Variants in SPOCK1 observed in about 807,000 individuals in gnomAD.
SPOCK1 encodes SPARC (osteonectin), cwcv and kazal like domains proteoglycan 1.
SPOCK1 carries 23 observed loss-of-function variants against 55.3 expected under a neutral mutation model. The ratio of observed to expected loss-of-function variants is 0.42; its 90% confidence interval spans 0.30 to 0.59. SPOCK1 has a LOEUF of 0.59. SPOCK1 is among the 20% of genes least tolerant of loss of function. SPOCK1 has a pLI of 0.22. For missense variants in SPOCK1, 499 were observed against 552.5 expected (o/e 0.90, Z 0.97); for synonymous variants, 226 against 221.0 (o/e 1.02, Z -0.20).
At chr5:137,266,762 A>G (rs997724593) in intron 3 of SPOCK1, among the ~76,000 whole-genome samples, 12 of 152,324 alleles carry the variant, frequency 7.9e-5, no homozygotes, top group African/African-American at 2.6e-4. Context: ...TTTTAAAACA[A>G]AACGAATCAA....
rs148222892 is a variant in SPOCK1, at chr5:137,431,938, T to C, written c.186+66435A>G. Among the ~76,000 whole-genome samples the C allele has an allele frequency of 2.9e-4, 44 of 152,346 alleles. 1 individual carries two copies. In the East Asian group the frequency reaches 8.5e-3, roughly 29 times the overall value. On this transcript the variant is annotated intron_variant, in intron 2 of 10. Transcript: ENST00000394945. ...ACTAAGACAGTGCATGTAAAGAGTTTTTGTGCAATGTCTAGATAAATAACT... is the reference window on the plus strand; with the variant it reads ...ACTAAGACAGTGCATGTAAAGAGTTCTTGTGCAATGTCTAGATAAATAACT...
intron 2 of SPOCK1, among the ~76,000 whole-genome samples, chr5:137,302,579 AAAATAAATAAATAAATAAAT>A (rs56375242): frequency 3.0e-4 from 43 of 141,208 alleles, no homozygotes; most frequent in African/African-American, 9.4e-4. Flanking sequence ...TCCATCTCAA[AAAATAAATAAATAAATAAAT>A]AAATAAATAA....
At chr5:137,107,466 A>G (rs1298405436) in intron 5 of SPOCK1, among the ~76,000 whole-genome samples, 1 of 152,130 alleles carries the variant, frequency 6.6e-6, no homozygotes, top group Non-Finnish European at 1.5e-5. Flanking sequence ...CCATTTGTCA[A>G]TTCCCTGTAG....
chr5:137,245,440 T>C (rs187366876), intron 3 of SPOCK1, among the ~76,000 whole-genome samples: 22 of 152,344 alleles, frequency 1.4e-4, no homozygotes, highest in African/African-American at 5.3e-4. Context: ...ATGATTATTA[T>C]GCCAATTGTT....
At chr5:137,044,650 T>TA (rs1245151596) in intron 6 of SPOCK1, among the ~76,000 whole-genome samples, 2 of 151,998 alleles carry the variant, frequency 1.3e-5, no homozygotes, top group Non-Finnish European at 2.9e-5. Flanking sequence ...TTCTTTTTTT[T>TA]TTATTATTAT....
chr5:137,352,244 T>G (rs2127161438), intron 2 of SPOCK1, among the ~76,000 whole-genome samples: 1 of 152,338 alleles, frequency 6.6e-6, no homozygotes, highest in East Asian at 1.9e-4. Flanking sequence ...ACCATGCCAG[T>G]AAATATTTTA....
chr5:137,211,534 G>A (rs2127081986), intron 3 of SPOCK1, among the ~76,000 whole-genome samples: 1 of 152,332 alleles, frequency 6.6e-6, no homozygotes, highest in African/African-American at 2.4e-5. Context: ...CTAGCAGGCA[G>A]TTCCTAAAAC....
chr5:136,978,869 G>GGTTAGTTTCCACTTATACCTC (rs1750670105), intron 10 of SPOCK1, 25 bp from the exon 11 acceptor site: 1 of 1,589,584 alleles, frequency 6.3e-7, no homozygotes, highest in Non-Finnish European at 8.6e-7. Flanking sequence ...AAAGCATTGA[G>GGTTAGTTTCCACTTATACCTC]GTTAGTTTCC....
chr5:137,182,447 C>T (rs1460639675), intron 3 of SPOCK1, among the ~76,000 whole-genome samples: 2 of 152,192 alleles, frequency 1.3e-5, no homozygotes, highest in African/African-American at 4.8e-5. Context: ...CAAATATTTG[C>T]CAGTGTTTCC....
chr5:137,325,444 C>T (rs1002394693), intron 2 of SPOCK1, among the ~76,000 whole-genome samples: 1 of 152,202 alleles, frequency 6.6e-6, no homozygotes, highest in Non-Finnish European at 1.5e-5. Flanking sequence ...ATCTTGTATA[C>T]AAACACTTCT....
chr5:137,228,444 C>A (rs978538532), intron 3 of SPOCK1, among the ~76,000 whole-genome samples: 2 of 152,158 alleles, frequency 1.3e-5, no homozygotes, highest in African/African-American at 2.4e-5. Context: ...AATTCGAGAC[C>A]AGCCTGGCCA....
intron 3 of SPOCK1, among the ~76,000 whole-genome samples, chr5:137,225,808 A>G (rs1043055475): frequency 3.3e-5 from 5 of 152,238 alleles, no homozygotes; most frequent in African/African-American, 1.2e-4. Flanking sequence ...ACTGTGCCAA[A>G]GAAAGGAGAA....
chr5:137,260,595 A>T (rs982502419), intron 3 of SPOCK1, among the ~76,000 whole-genome samples: 1 of 152,248 alleles, frequency 6.6e-6, no homozygotes, highest in East Asian at 1.9e-4. Flanking sequence ...CACCCATGAG[A>T]TTCAAATTTT....
intron 2 of SPOCK1, among the ~76,000 whole-genome samples, chr5:137,397,114 A>T (rs187256576): frequency 6.6e-6 from 1 of 152,134 alleles, no homozygotes; most frequent in Non-Finnish European, 1.5e-5. Flanking sequence ...CAAAAGCTCA[A>T]CACCCTGCTC....
intron 6 of SPOCK1, among the ~76,000 whole-genome samples, chr5:137,021,260 T>C (rs1180630099): frequency 6.6e-6 from 1 of 152,164 alleles, no homozygotes; most frequent in African/African-American, 2.4e-5. Flanking sequence ...GAATGCAGCA[T>C]TGAGTGAAGA....
Position 137,038,096 on chromosome 5 carries a change from A to G in SPOCK1, c.589+29619T>C, listed in dbSNP as rs1197549902. 3.9e-5 allele frequency among the ~76,000 whole-genome samples: 6 copies of G among 152,196 alleles called. No homozygotes were observed. In the East Asian group the frequency reaches 1.2e-3, roughly 29 times the overall value. ...GTCTGTTGTGGGGGAACATGAAGCA[A>G]AAGCCTCATGGATTGAAGAAAGAAA... On this transcript the variant is annotated intron_variant, in intron 6 of 10. Coordinates refer to ENST00000394945, the MANE Select transcript of SPOCK1 (RefSeq NM_004598.4).
At chr5:137,107,857 A>G (rs986291112) in intron 5 of SPOCK1, among the ~76,000 whole-genome samples, 1 of 152,212 alleles carries the variant, frequency 6.6e-6, no homozygotes, top group African/African-American at 2.4e-5. Flanking sequence ...ATCTTGAAGG[A>G]GTAAACAATT....
chr5:137,497,953 C>T (rs1754333296), intron 2 of SPOCK1, among the ~76,000 whole-genome samples: 1 of 152,042 alleles, frequency 6.6e-6, no homozygotes, highest in South Asian at 2.1e-4. Flanking sequence ...ATTCTCCTGA[C>T]ACACCCCAGA....
chr5:137,119,317 T>C (rs1448983979), intron 4 of SPOCK1, among the ~76,000 whole-genome samples: 1 of 152,258 alleles, frequency 6.6e-6, no homozygotes, highest in East Asian at 1.9e-4. Context: ...ATAGTGGCTA[T>C]TTTGAACCAG....
Sources: gnomAD v4.1 joint callset for allele counts (sites outside exome capture counted in the v4.1 genomes callset) on GRCh38, gnomAD v4.1.1 for gene constraint, MANE v1.5 for transcripts, NCBI Gene and HGNC (gene_info 2026-07-23, HGNC 2026-07-21) for gene names.